Variants in GPC6 observed in about 807,000 individuals in gnomAD.
GPC6 encodes the protein glypican-6.
GPC6 carries 14 observed loss-of-function variants against 55.2 expected under a neutral mutation model. The ratio of observed to expected loss-of-function variants is 0.25; its 90% CI spans 0.17 to 0.40. The LOEUF (loss-of-function observed/expected upper bound fraction) is 0.40, where lower values mean the gene tolerates loss of function less well. Ranked by LOEUF, GPC6 falls within the 10% of genes least tolerant of loss-of-function variation. The pLI, the probability that GPC6 is intolerant of heterozygous loss-of-function variation, is 1.00. For missense variants in GPC6, 641 were observed against 708.5 expected (o/e 0.90, Z 1.08); for synonymous variants, 278 against 259.6 (o/e 1.07, Z -0.68).
At chr13:93,774,513 T>C (rs1885401723) in intron 2 of GPC6, among the ~76,000 whole-genome samples, 1 of 152,212 alleles carries the variant, frequency 6.6e-6, no homozygotes, top group South Asian at 2.1e-4. Context: ...TCCTAGACAC[T>C]AATGACACAC....
chr13:93,718,869 G>C (rs1883345110), intron 2 of GPC6, among the ~76,000 whole-genome samples: 1 of 151,928 alleles, frequency 6.6e-6, no homozygotes, highest in Non-Finnish European at 1.5e-5. Flanking sequence ...GTTTTTGTCA[G>C]GTTTGTCAAA....
chr13:93,521,868 G>T (rs974074207), intron 1 of GPC6, among the ~76,000 whole-genome samples: 1 of 151,892 alleles, frequency 6.6e-6, no homozygotes, highest in Non-Finnish European at 1.5e-5. Flanking sequence ...AATAAGTGCA[G>T]TTTATTTTAT....
chr13:94,383,667 G>A (rs9589986), intron 7 of GPC6, among the ~76,000 whole-genome samples: 32,047 of 152,144 alleles, frequency 0.21, 3,778 homozygotes, highest in African/African-American at 0.3. Flanking sequence ...GGAGGTGCAC[G>A]TTAGGTGTTA....
intron 1 of GPC6, among the ~76,000 whole-genome samples, chr13:93,238,704 A>T (rs1566536471): frequency 6.6e-6 from 1 of 151,876 alleles, no homozygotes; most frequent in Non-Finnish European, 1.5e-5. Context: ...TTTCCCCTTC[A>T]GTATGATGTT....
At chr13:93,436,480 A>T (rs1003080645) in intron 1 of GPC6, among the ~76,000 whole-genome samples, 4 of 152,276 alleles carry the variant, frequency 2.6e-5, no homozygotes, top group African/African-American at 7.2e-5. Context: ...GTTCTATCTG[A>T]CAGACATGCT....
At chr13:94,084,587 A>T (rs75850977) in intron 4 of GPC6, among the ~76,000 whole-genome samples, 10 of 6,098 alleles carry the variant, frequency 1.6e-3, no homozygotes, top group Admixed American at 2.1e-3. Context: ...TATTTGTGAT[A>T]AAAAAAAAAC....
At chr13:94,178,471 A>G (rs1888868556) in intron 4 of GPC6, among the ~76,000 whole-genome samples, 1 of 152,352 alleles carries the variant, frequency 6.6e-6, no homozygotes, top group African/African-American at 2.4e-5. Flanking sequence ...ATATCATTAA[A>G]TGCCTATGCA....
At chr13:94,100,853 T>G (rs1337295285) in intron 4 of GPC6, among the ~76,000 whole-genome samples, 1 of 152,228 alleles carries the variant, frequency 6.6e-6, no homozygotes, top group Non-Finnish European at 1.5e-5. Context: ...CCATTCTTAG[T>G]CCTCAGAGTA....
At chr13:93,344,484 A>G (rs1365919677) in intron 1 of GPC6, among the ~76,000 whole-genome samples, 1 of 152,126 alleles carries the variant, frequency 6.6e-6, no homozygotes, top group African/African-American at 2.4e-5. Context: ...CCTATTTTCC[A>G]GGTCTCTGGT....
At chr13:93,949,217 A>G (rs760177752) in intron 3 of GPC6, among the ~76,000 whole-genome samples, 15 of 152,214 alleles carry the variant, frequency 9.9e-5, no homozygotes, top group Non-Finnish European at 2.1e-4. Flanking sequence ...GATTTCAATA[A>G]TATTCTGAGA....
chr13:94,172,693 T>G (rs1888614994), intron 4 of GPC6, among the ~76,000 whole-genome samples: 2 of 152,212 alleles, frequency 1.3e-5, no homozygotes, highest in South Asian at 4.1e-4. Flanking sequence ...ATCTTGCTTT[T>G]AGGAAAAACC....
At chr13:93,964,024 T>C (rs944039973) in intron 3 of GPC6, among the ~76,000 whole-genome samples, 4 of 152,186 alleles carry the variant, frequency 2.6e-5, no homozygotes, top group Admixed American at 2.6e-4. Context: ...GATGCAACAC[T>C]TCCTGGTTTT....
At chr13:93,428,990 C>G (rs1459696232) in intron 1 of GPC6, among the ~76,000 whole-genome samples, 2 of 152,088 alleles carry the variant, frequency 1.3e-5, no homozygotes, top group African/African-American at 2.4e-5. Context: ...ATCCCTTGAT[C>G]TTGGAGTTCC....
chr13:93,691,667 A>G (rs748236184), intron 2 of GPC6, among the ~76,000 whole-genome samples: 10 of 152,068 alleles, frequency 6.6e-5, no homozygotes, highest in Non-Finnish European at 1.0e-4. Context: ...TGTTTATTAC[A>G]TTATACAACT....
intron 2 of GPC6, among the ~76,000 whole-genome samples, chr13:93,594,193 G>A (rs191818029): frequency 3.2e-4 from 48 of 151,416 alleles, no homozygotes; most frequent in South Asian, 6.3e-4. Flanking sequence ...TAAGTTCAGG[G>A]GTACAAGTGC....
At chr13:93,725,048 A>G (rs1883586221) in intron 2 of GPC6, among the ~76,000 whole-genome samples, 2 of 152,074 alleles carry the variant, frequency 1.3e-5, no homozygotes, top group African/African-American at 2.4e-5. Context: ...TAACCTATAC[A>G]GTTCAATGCT....
intron 6 of GPC6, among the ~76,000 whole-genome samples, chr13:94,350,280 C>T (rs898952275): frequency 1.1e-4 from 17 of 151,908 alleles, no homozygotes; most frequent in Non-Finnish European, 1.6e-4. Flanking sequence ...TGGAGAGTTT[C>T]GAAAAATCTC....
chr13:94,225,238 C>G (rs1295505829), intron 4 of GPC6, among the ~76,000 whole-genome samples: 1 of 152,030 alleles, frequency 6.6e-6, no homozygotes, highest in South Asian at 2.1e-4. Flanking sequence ...CTACTGAGGG[C>G]TTCATCAACA....
chr13:94,273,133 C>A (rs186570348), intron 4 of GPC6, among the ~76,000 whole-genome samples: 2 of 152,282 alleles, frequency 1.3e-5, no homozygotes, highest in East Asian at 3.9e-4. Context: ...TTTAACCCCC[C>A]AGTGAAGTAG....
Sources: gnomAD v4.1 joint callset for allele counts (sites outside exome capture counted in the v4.1 genomes callset) on GRCh38, gnomAD v4.1.1 for gene constraint, MANE v1.5 for transcripts, NCBI Gene and HGNC (gene_info 2026-07-23, HGNC 2026-07-21) for gene names.